Variants in C4orf54 observed in about 807,000 individuals in gnomAD.
The protein encoded by C4orf54 is chromosome 4 open reading frame 54, also known as uncharacterized protein C4orf54.
Under a neutral mutation model 80.1 loss-of-function variants are expected in C4orf54, and 67 were observed. That is an observed-to-expected ratio of 0.84 (90% CI 0.69 to 1.03). The LOEUF is 1.03. Ranked by LOEUF, C4orf54 falls within the 50% of genes least tolerant of loss-of-function variation. The probability of loss-of-function intolerance (pLI) is 0.00; values close to 1 mark genes in which losing one functional copy is unlikely to be tolerated. For missense variants in C4orf54, 2,434 were observed against 2,253.5 expected, an observed-to-expected ratio of 1.08 and a Z score of -1.62; for synonymous variants, 1,000 against 917.0, an observed-to-expected ratio of 1.09 and a Z score of -1.64.
At position 99,649,042 on chromosome 4, in the gene C4orf54, A is replaced by G. The variant is rs567026133; in HGVS notation, c.*36+189T>C. 2.0e-5 allele frequency among the ~76,000 whole-genome samples: 3 copies of G among 152,340 alleles called. No individual in the cohort carries two copies. The East Asian group carries it at 5.8e-4, about 29-fold the overall frequency. Reference sequence around the variant, plus strand: ...GGCAAAGGCCGACCTTGGGGACTGAAGCCTAGAGAGAGGGGGAATCCTGGC... The same window carrying G: ...GGCAAAGGCCGACCTTGGGGACTGAGGCCTAGAGAGAGGGGGAATCCTGGC... On this transcript the variant is annotated intron_variant, in intron 2 of 2. Coordinates refer to ENST00000511828, the MANE Select transcript of C4orf54 (RefSeq NM_001354435.2).
intron 2 of C4orf54, among the ~76,000 whole-genome samples, chr4:99,648,992 C>T (rs1246287265): frequency 3.3e-5 from 5 of 152,176 alleles, no homozygotes; most frequent in African/African-American, 1.2e-4. Flanking sequence ...GGAAAAAACA[C>T]TCAGGCAATC....
chr4:99,652,302 A>G lies in C4orf54; in HGVS notation c.2347T>C (p.Tyr783His). The change falls in exon 2 of 3, where the codon TAC becomes CAC. Residue 783 changes from tyrosine to histidine, a missense_variant. By Grantham distance (83) the Tyr-to-His change is moderately conservative. Transcript: ENST00000511828. Reference sequence around the variant, plus strand: ...GAGGTCTCGGAGCCGTCGTCCGTGTATGCCGACCCGGGACCCTTGCCGGGG... The same window carrying G: ...GAGGTCTCGGAGCCGTCGTCCGTGTGTGCCGACCCGGGACCCTTGCCGGGG... The part of the protein sequence containing the change: ...KGPGKGPGSA[Y>H]TDDGSETSEG... 6.5e-7 allele frequency: 1 copy of G among 1,535,726 alleles called. No individual in the cohort carries two copies. The highest frequency in any genetic ancestry group is 8.7e-7 in the Non-Finnish European group (1 of 1,146,778).
rs1726836217 is a variant in C4orf54, at chr4:99,651,786, T to A, written c.2863A>T (p.Arg955Trp). Residue 955 changes from arginine (R) to tryptophan (W), a missense_variant, in exon 2 of 3, where the codon AGG (arginine) becomes TGG (tryptophan). Coordinates refer to ENST00000511828, the MANE Select transcript of C4orf54 (RefSeq NM_001354435.2). Reference protein sequence around the residue: ...RSWKEKEAEKREEQAPIGKLK... With the variant: ...RSWKEKEAEKWEEQAPIGKLK... ...TTCCCTATAGGGGCTTGTTCCTCCC[T>A]CTTCTCGGCCTCTTTCTCCTTCCAT... 3.3e-6 allele frequency: 5 copies of A among 1,536,062 alleles called. No homozygotes were observed. The highest frequency in any genetic ancestry group is 1.7e-6 in the Non-Finnish European group (2 of 1,146,880).
chr4:99,637,161 A>C lies in C4orf54; in HGVS notation c.*4072T>G, dbSNP rs576106045. On this transcript the variant is annotated 3_prime_UTR_variant, in exon 3 of 3. Transcript: ENST00000511828. Reference sequence around the variant, plus strand: ...GGACTTTTTGCCATTAACACTAGCCATAAAAAGCAATTATGAAACTTAAAA... The same window carrying C: ...GGACTTTTTGCCATTAACACTAGCCCTAAAAAGCAATTATGAAACTTAAAA... The C allele has an allele frequency of 1.3e-5, 2 of 152,244 alleles. No homozygotes were observed. Among genetic ancestry groups the C allele is most frequent in the Admixed American group, 1.3e-4 (2 of 15,274 alleles). 9.4% of individuals were successfully genotyped at this position (152,244 alleles called of 1,614,324 possible). A position where few individuals can be genotyped will look rare whatever the true frequency, so the allele number is the denominator to read the frequency against.
At position 99,649,737 on chromosome 4, in the gene C4orf54, G is replaced by C; in HGVS notation, c.4912C>G (p.Pro1638Ala). 5 of 1,536,174 alleles carry C rather than the reference G, an allele frequency of 3.3e-6. No individual in the cohort carries two copies. The highest frequency in any genetic ancestry group is 4.4e-6 in the Non-Finnish European group (5 of 1,146,916). Residue 1638 changes from proline to alanine, a missense_variant, in exon 2 of 3, where the codon CCT becomes GCT. Pro to Ala is a conservative substitution (Grantham distance 27, BLOSUM62 -1). Coordinates refer to ENST00000511828, the MANE Select transcript of C4orf54 (RefSeq NM_001354435.2). ...ACATCCACATACTGCCCTGTCTCAGGGTCAAACAGTCTCCGGGTCATGGGC... is the reference window on the plus strand; with the variant it reads ...ACATCCACATACTGCCCTGTCTCAGCGTCAAACAGTCTCCGGGTCATGGGC... ...VQPMTRRLFD[P>A]ETGQYVDVPM...
rs1447262902 is a variant in C4orf54, at chr4:99,653,440, G to A, written c.1209C>T (p.Phe403=). The change falls in exon 2 of 3, where the codon TTC becomes TTT. Residue 403 remains phenylalanine, a synonymous_variant. Coordinates refer to ENST00000511828, the MANE Select transcript of C4orf54 (RefSeq NM_001354435.2). The part of the protein sequence containing the change: ...DFEDNNVIYS[F]VDYASFGGSD... ...TGCCACCAAAGGAAGCATAATCCACGAACGAGTAGATCACGTTGTTGTCCT... is the reference window on the plus strand; with the variant it reads ...TGCCACCAAAGGAAGCATAATCCACAAACGAGTAGATCACGTTGTTGTCCT... 2 of 1,536,158 alleles carry A rather than the reference G, an allele frequency of 1.3e-6. No individual in the cohort carries two copies. The highest frequency in any genetic ancestry group is 8.7e-7 in the Non-Finnish European group (1 of 1,146,894).
In C4orf54 at chr4:99,642,957, A is replaced by G. The variant is rs146924365; in HGVS notation, c.*37-1761T>C. Among the ~76,000 whole-genome samples, 802 of 152,342 alleles carry G rather than the reference A, an allele frequency of 5.3e-3. 8 individuals are homozygous for G. The highest frequency in any genetic ancestry group is 0.017 in the African/African-American group (706 of 41,568). On this transcript the variant is annotated intron_variant, in intron 2 of 2. Coordinates refer to ENST00000511828, the MANE Select transcript of C4orf54 (RefSeq NM_001354435.2). ...ACTAGAGTACCCTGACACACAGCCA[A>G]CTGGCCTGCCCTGAGAGATCAGCCA... is the stretch of plus-strand genomic sequence containing the variant.
At position 99,650,767 on chromosome 4, in the gene C4orf54, A is replaced by C; in HGVS notation, c.3882T>G (p.Ile1294Met). 6.5e-7 allele frequency: 1 copy of C among 1,536,132 alleles called. No individual in the cohort carries two copies. The highest frequency in any genetic ancestry group is 8.7e-7 in the Non-Finnish European group (1 of 1,146,896). ...CTACCCCTTCCCTCTCCTCACTGGC[A>C]ATGAGCGACAGCACGTGGCTGTCCA... Reference protein sequence around the residue: ...MMMDSHVLSLIASEEREGVVV... With the variant: ...MMMDSHVLSLMASEEREGVVV... Residue 1294 changes from isoleucine to methionine, a missense_variant, in exon 2 of 3, where the codon ATT becomes ATG. Physicochemically the swap from Ile to Met is conservative, Grantham distance 10. Coordinates refer to ENST00000511828, the MANE Select transcript of C4orf54 (RefSeq NM_001354435.2).
chr4:99,655,537 G>A (rs534255293), intron 1 of C4orf54, among the ~76,000 whole-genome samples: 4 of 152,316 alleles, frequency 2.6e-5, no homozygotes, highest in South Asian at 2.1e-4. Context: ...AGTACAGTGC[G>A]GCTTGGAGGG....
intron 2 of C4orf54, among the ~76,000 whole-genome samples, chr4:99,647,348 T>C (rs1031735539): frequency 1.3e-5 from 2 of 152,200 alleles, no homozygotes; most frequent in African/African-American, 2.4e-5. Flanking sequence ...TGGTCCAAAA[T>C]AGCCCTAGGT....
intron 1 of C4orf54, among the ~76,000 whole-genome samples, chr4:99,655,476 A>C (rs1726964695): frequency 6.6e-6 from 1 of 152,236 alleles, no homozygotes; most frequent in Non-Finnish European, 1.5e-5. Context: ...CCAGGCCTGC[A>C]GGGCACTGAG....
chr4:99,653,105 G>C lies in C4orf54; in HGVS notation c.1544C>G (p.Ala515Gly), dbSNP rs1419671121. 1 of 1,536,264 alleles carries C rather than the reference G, an allele frequency of 6.5e-7. No homozygotes were observed. The highest frequency in any genetic ancestry group is 8.7e-7 in the Non-Finnish European group (1 of 1,146,912). The stretch of plus-strand genomic sequence containing the variant: ...GATTGATAGGAGGATCTGGCTTGCT[G>C]CACTCCCACAGCTGCTTGCGGCGGC... ...AAAAASSCGSAASQILLSIKP... is the reference protein window; with the variant it reads ...AAAAASSCGSGASQILLSIKP... Residue 515 changes from alanine (A) to glycine (G), a missense_variant, in exon 2 of 3, where the codon GCA (alanine) becomes GGA (glycine). Physicochemically the swap from Ala to Gly is moderately conservative, Grantham distance 60 (BLOSUM62 0). Transcript: ENST00000511828.
At chr4:99,642,612 A>G (rs556318812) in intron 2 of C4orf54, among the ~76,000 whole-genome samples, 60 of 152,352 alleles carry the variant, frequency 3.9e-4, no homozygotes, top group African/African-American at 9.6e-4. Context: ...AGTTGCTCCC[A>G]ATTCCTATTA....
chr4:99,651,738 C>G lies in C4orf54; in HGVS notation c.2911G>C (p.Asp971His). Reference protein sequence around the residue: ...IGKLKLPKGGDWRADLGEISA... With the variant: ...IGKLKLPKGGHWRADLGEISA... ...ATCTCCCCGAGATCAGCCCGCCAGT[C>G]GCCTCCTTTGGGCAGCTTCAGCTTC... The change falls in exon 2 of 3, where the codon GAC (aspartate) becomes CAC (histidine). Residue 971 changes from aspartate (D) to histidine (H), a missense_variant. Transcript: ENST00000511828. 1 of 1,536,080 alleles carries G rather than the reference C, an allele frequency of 6.5e-7. No homozygotes were observed. Among genetic ancestry groups the G allele is most frequent in the South Asian group, 1.2e-5 (1 of 84,046 alleles).
intron 2 of C4orf54, among the ~76,000 whole-genome samples, 181 bp downstream of exon 2, chr4:99,649,050 G>A (rs964223696): frequency 3.3e-5 from 5 of 152,250 alleles, no homozygotes; most frequent in African/African-American, 1.2e-4. Context: ...GAAGCCTAGA[G>A]AGAGGGGGAA....
rs1727000913 is a variant in C4orf54, at chr4:99,657,585, A to G, written c.-122T>C. 6.6e-6 allele frequency among the ~76,000 whole-genome samples: 1 copy of G among 152,230 alleles called. No individual in the cohort carries two copies. Among genetic ancestry groups the G allele is most frequent in the Non-Finnish European group, 1.5e-5 (1 of 68,046 alleles). On this transcript the variant is annotated 5_prime_UTR_variant, in exon 1 of 3. Transcript: ENST00000511828. ...TTTGAAGAGAAATCTTTTTCAAATG[A>G]AGTCAATTTCCAGTCGGGTTTAATT...
At position 99,640,000 on chromosome 4, in the gene C4orf54, T is replaced by C. The variant is rs1466902647; in HGVS notation, c.*1233A>G. ...TTCAAATTATTCCTTTAAAAAGTAA[T>C]TAAGTAATATTTCAATGTAACATTT... is the stretch of plus-strand genomic sequence containing the variant. On this transcript the variant is annotated 3_prime_UTR_variant, in exon 3 of 3. Coordinates refer to ENST00000511828, the MANE Select transcript of C4orf54 (RefSeq NM_001354435.2). 6.6e-6 allele frequency: 1 copy of C among 152,102 alleles called. No homozygotes were observed. Among genetic ancestry groups the C allele is most frequent in the African/African-American group, 2.4e-5 (1 of 41,440 alleles). 9.4% of individuals were successfully genotyped at this position (152,102 alleles called of 1,614,324 possible).
In C4orf54 at chr4:99,654,442, G is replaced by C. The variant is rs762729668; in HGVS notation, c.207C>G (p.Ser69Arg). 2.7e-6 allele frequency: 2 copies of C among 729,942 alleles called. No individual in the cohort carries two copies. The highest frequency in any genetic ancestry group is 1.7e-5 in the African/African-American group (1 of 57,800). The allele number at this position is 729,942 out of a possible 1,614,324, so 45.2% of individuals were successfully genotyped here. Residue 69 changes from serine (S) to arginine (R), a missense_variant, in exon 2 of 3, where the codon AGC (serine) becomes AGG (arginine). Transcript: ENST00000511828. ...PQTTSTASSR[S>R]LPTSLRLAAA... ...CAGCAAGCCTGAGGGAGGTGGGAAG[G>C]CTCCTGGATGAGGCGGTGGAGGTGG...
In C4orf54 at chr4:99,653,632, C is replaced by T; in HGVS notation, c.1017G>A (p.Gly339=). The change falls in exon 2 of 3, where the codon GGG becomes GGA. Residue 339 remains glycine (G), a synonymous_variant. Transcript: ENST00000511828. ...CCCTGCACTCTGTTCCATCTCCTGC[C>T]CCTCCTCCCCCTCCTCCTTTTCCTC... ...GGGGKGGGGG[G]AGDGTECRDI... is the part of the protein sequence containing the mutation. The T allele has an allele frequency of 6.5e-7, 1 of 1,534,418 alleles. No homozygotes were observed. The highest frequency in any genetic ancestry group is 8.7e-7 in the Non-Finnish European group (1 of 1,145,938).
Sources: allele counts gnomAD v4.1 joint callset (sites outside exome capture counted in the v4.1 genomes callset), GRCh38; gene constraint gnomAD v4.1.1; transcripts MANE v1.5; gene names NCBI Gene and HGNC (gene_info 2026-07-23, HGNC 2026-07-21).